The following CPLANE1 variants were observed in gnomAD, a reference collection of about 807,000 sequenced individuals.
CPLANE1 encodes ciliogenesis and planar polarity effector 1.
Under a neutral mutation model 362.5 loss-of-function variants are expected in CPLANE1, and 263 were observed. The ratio of observed to expected loss-of-function variants is 0.73; its 90% confidence interval spans 0.66 to 0.80. The LOEUF (loss-of-function observed/expected upper bound fraction) is 0.80. CPLANE1 is among the 30% of genes least tolerant of loss of function. The pLI is 0.00. For synonymous variants in CPLANE1, 1,212 were observed against 1,302.6 expected, an observed-to-expected ratio of 0.93 and a Z score of 1.50; for missense variants, 3,461 against 3,793.4, an observed-to-expected ratio of 0.91 and a Z score of 2.30.
chr5:37,180,501 C>T (rs535150938), intron 27 of CPLANE1, among the ~76,000 whole-genome samples: 1 of 152,248 alleles, frequency 6.6e-6, no homozygotes, highest in African/African-American at 2.4e-5. Context: ...TCACAAAGGA[C>T]TCTTCATGCT....
At chr5:37,138,187 T>A (rs1768380520) in intron 46 of CPLANE1, among the ~76,000 whole-genome samples, 7 of 152,312 alleles carry the variant, frequency 4.6e-5, no homozygotes, top group African/African-American at 1.7e-4. Flanking sequence ...GTTTCATAGG[T>A]CTATAACTAC....
intron 1 of CPLANE1, 35 bp from the exon 2 acceptor site, chr5:37,247,780 G>A (rs1041936591): frequency 2.9e-6 from 4 of 1,384,076 alleles, no homozygotes; most frequent in Non-Finnish European, 3.8e-6. Context: ...TATAAATGAT[G>A]CATAATATTC....
At chr5:37,187,650 C>T (rs1021361364) in intron 22 of CPLANE1, 78 bp from the exon 23 acceptor site, 69 of 1,549,830 alleles carry the variant, frequency 4.5e-5, no homozygotes, top group Non-Finnish European at 5.4e-5. Context: ...GAAAGTTTTG[C>T]TACAAACAAT....
At chr5:37,103,651 T>G (rs1462957058), downstream of CPLANE1, among the ~76,000 whole-genome samples, 2 of 152,224 alleles carry the variant, frequency 1.3e-5, no homozygotes, top group Admixed American at 6.5e-5. Context: ...GATATGAAAT[T>G]CTGGGTTGTT....
chr5:37,159,714 G>GA (rs553228165), intron 38 of CPLANE1, among the ~76,000 whole-genome samples: 10 of 151,682 alleles, frequency 6.6e-5, no homozygotes, highest in African/African-American at 1.9e-4. Context: ...CTTAAAACTA[G>GA]AAAAAAAAGG....
At chr5:37,078,371 A>C in the CPLANE1 span, among the ~76,000 whole-genome samples, 1 of 152,180 alleles carries the variant, frequency 6.6e-6, no homozygotes, top group Non-Finnish European at 1.5e-5. Context: ...GCAAATGACA[A>C]GATCTTGTTC....
chr5:37,124,988 G>T, intron 47 of CPLANE1: 12 of 1,216,442 alleles, frequency 9.9e-6, no homozygotes, highest in African/African-American at 1.6e-5. Flanking sequence ...TCCTCCTCTT[G>T]TTAAAATGCT....
intron 15 of CPLANE1, among the ~76,000 whole-genome samples, chr5:37,216,473 TG>T (rs1794117221): frequency 6.6e-6 from 1 of 152,160 alleles, no homozygotes; most frequent in Non-Finnish European, 1.5e-5. Flanking sequence ...CACTTGAGCC[TG>T]GGAGGTTGAA....
At chr5:37,115,156 C>T (rs1760561620) in intron 50 of CPLANE1, 107 bp from the exon 51 acceptor site, 2 of 768,396 alleles carry the variant, frequency 2.6e-6, no homozygotes, top group Admixed American at 2.2e-5. Context: ...TTTGAATCTG[C>T]TCACCAAGCC....
chr5:37,108,858 T>C (rs904238426), intron 51 of CPLANE1, among the ~76,000 whole-genome samples: 2 of 152,254 alleles, frequency 1.3e-5, no homozygotes, highest in African/African-American at 4.8e-5. Context: ...GTTTTGGGCA[T>C]CTTCACCCAG....
At chr5:37,078,240 T>TATG in the CPLANE1 span, among the ~76,000 whole-genome samples, 9 of 151,596 alleles carry the variant, frequency 5.9e-5, no homozygotes, top group African/African-American at 2.2e-4. Context: ...TTGTTCCCCC[T>TATG]ATGTGTCCAT....
intron 9 of CPLANE1, among the ~76,000 whole-genome samples, chr5:37,228,969 T>C (rs954294499): frequency 6.6e-6 from 1 of 152,164 alleles, no homozygotes; most frequent in Admixed American, 6.5e-5. Flanking sequence ...TTGCTAAAAA[T>C]TGTCATTTTT....
At chr5:37,086,741 G>A in the CPLANE1 span, among the ~76,000 whole-genome samples, 2 of 152,132 alleles carry the variant, frequency 1.3e-5, no homozygotes, top group African/African-American at 2.4e-5. Flanking sequence ...AGTCAGGGCC[G>A]GGGCTGACAG....
At chr5:37,167,407 G>A (rs1778554997) in intron 34 of CPLANE1, among the ~76,000 whole-genome samples, 194 bp from the exon 35 acceptor site, 1 of 152,166 alleles carries the variant, frequency 6.6e-6, no homozygotes, top group Non-Finnish European at 1.5e-5. Context: ...TTAAAGTGCT[G>A]AAAGTTTCAA....
At position 37,173,478 on chromosome 5, in the gene CPLANE1, A is replaced by G. The variant is rs1780349448; in HGVS notation, c.6171+277T>C. ...TTTCCTAGTAGAATTTTTTTTTCCT[A>G]GTAGAGTTTCCTAGCAGAGTCTCAC... On this transcript the variant is annotated intron_variant, in intron 32 of 52. Transcript: ENST00000651892. 4.0e-5 allele frequency among the ~76,000 whole-genome samples: 6 copies of G among 151,770 alleles called. No homozygotes were observed. The South Asian group carries it at 1.3e-3, about 32-fold the overall frequency.
In CPLANE1 at chr5:37,180,123, G is replaced by A; in HGVS notation, c.5631C>T (p.Ser1877=). 4 of 1,549,074 alleles carry A rather than the reference G, an allele frequency of 2.6e-6. No individual in the cohort carries two copies. The East Asian group carries it at 9.3e-5, about 36-fold the overall frequency. The part of the protein sequence containing the change: ...DIKEINDDII[S]ITHNTKKEFI... The stretch of plus-strand genomic sequence containing the variant: ...ATTCTTTTTTAGTATTATGAGTGAT[G>A]GAAATAATATCATCATTGATTTCTT... The change falls in exon 28 of 53, where the codon TCC becomes TCT. Residue 1877 remains serine, a synonymous_variant. Transcript: ENST00000651892.
intron 21 of CPLANE1, among the ~76,000 whole-genome samples, chr5:37,192,715 T>C (rs1481422477): frequency 2.7e-5 from 4 of 150,390 alleles, no homozygotes; most frequent in Non-Finnish European, 5.9e-5. Flanking sequence ...ATACAAAAAA[T>C]TAGCTGGGTG....
chr5:37,192,439 T>A (rs1785797873), intron 21 of CPLANE1, among the ~76,000 whole-genome samples: 2 of 152,184 alleles, frequency 1.3e-5, no homozygotes, highest in South Asian at 4.1e-4. Flanking sequence ...TATCCTATGG[T>A]CACACAACAA....
chr5:37,176,539 C>CA (rs1162968973), intron 30 of CPLANE1, among the ~76,000 whole-genome samples: 1 of 151,356 alleles, frequency 6.6e-6, no homozygotes, highest in Non-Finnish European at 1.5e-5. Context: ...ACCCTGTTTC[C>CA]AAAAAAAGAA....
Sources: gnomAD v4.1 joint callset for allele counts (sites outside exome capture counted in the v4.1 genomes callset) on GRCh38, gnomAD v4.1.1 for gene constraint, MANE v1.5 for transcripts, NCBI Gene and HGNC (gene_info 2026-07-23, HGNC 2026-07-21) for gene names.